ADGRF1: variants seen among roughly 807,000 people sequenced by gnomAD.
The protein encoded by ADGRF1 is G protein-coupled receptor 110.
Under a neutral mutation model 87.2 loss-of-function variants are expected in ADGRF1, and 85 were observed. That is an observed-to-expected ratio of 0.97 (90% CI 0.82 to 1.17). The LOEUF (loss-of-function observed/expected upper bound fraction) is 1.17. Ranked by LOEUF, ADGRF1 falls within the 50% of genes most tolerant of loss-of-function variation. The pLI, the probability that ADGRF1 is intolerant of heterozygous loss-of-function variation, is 0.00. For synonymous variants in ADGRF1, 430 were observed against 408.8 expected (o/e 1.05, Z -0.63); for missense variants, 1,169 against 1,077.2 (o/e 1.09, Z -1.19).
At chr6:47,021,826 A>G in intron 6 of ADGRF1, 132 bp downstream of exon 6, 2 of 595,278 alleles carry the variant, frequency 3.4e-6, no homozygotes, top group Non-Finnish European at 5.9e-6. Flanking sequence ...GGGCAGAGCA[A>G]ATAACTGTTT....
Position 47,012,006 on chromosome 6 carries a change from C to A in ADGRF1, c.1116+1G>T. 1.2e-6 allele frequency: 2 copies of A among 1,612,514 alleles called. No homozygotes were observed. The highest frequency in any genetic ancestry group is 1.7e-6 in the Non-Finnish European group (2 of 1,178,760). On this transcript the variant is annotated splice_donor_variant, in intron 10 of 14. Transcript: ENST00000371253. LOFTEE classifies it high-confidence loss of function. ...GCCCTTCAAGCACAGGCAGACCATA[C>A]CTCCATTGTTGAATTGGACACCCTG...
At chr6:47,039,466 G>A (rs1208221577) in intron 1 of ADGRF1, among the ~76,000 whole-genome samples, 2 of 152,128 alleles carry the variant, frequency 1.3e-5, no homozygotes, top group African/African-American at 2.4e-5. Flanking sequence ...CACTGACCAG[G>A]AGCCTCTATG....
At chr6:47,021,040 G>A (rs1780031136) in intron 6 of ADGRF1, among the ~76,000 whole-genome samples, 1 of 152,160 alleles carries the variant, frequency 6.6e-6, no homozygotes, top group South Asian at 2.1e-4. Context: ...AATAAATTGT[G>A]AATAACCAAC....
intron 10 of ADGRF1, among the ~76,000 whole-genome samples, 193 bp downstream of exon 10, chr6:47,011,814 G>A (rs934366435): frequency 2.0e-5 from 3 of 152,194 alleles, no homozygotes; most frequent in African/African-American, 7.2e-5. Context: ...CATAAGAGCA[G>A]CTCTGTCTTC....
chr6:47,022,023 T>C lies in ADGRF1; in HGVS notation c.487A>G (p.Thr163Ala), dbSNP rs200347172. Reference protein sequence around the residue: ...WGTFKINERFTNDLLNSSSAI... With the variant: ...WGTFKINERFANDLLNSSSAI... ...GAAGATGAATTCAAAAGGTCATTTG[T>C]AAACCTTTCATTAATTTTGAAAGTG... is the stretch of plus-strand genomic sequence containing the variant. Residue 163 changes from threonine to alanine, a missense_variant, in exon 6 of 15, where the codon ACA becomes GCA. Coordinates refer to ENST00000371253, the MANE Select transcript of ADGRF1 (RefSeq NM_153840.4). 2.8e-4 allele frequency: 437 copies of C among 1,585,536 alleles called. No homozygotes were observed. The highest frequency in any genetic ancestry group is 1.1e-4 in the Non-Finnish European group (131 of 1,169,530).
intron 4 of ADGRF1, among the ~76,000 whole-genome samples, chr6:47,024,897 T>C (rs1425312336): frequency 6.6e-6 from 1 of 152,072 alleles, no homozygotes; most frequent in Admixed American, 6.6e-5. Context: ...GCCACTGCAA[T>C]GGAAGAGAGA....
rs1780451499 is a variant in ADGRF1, at chr6:47,032,212, A to G, written c.-43-3108T>C. Among the ~76,000 whole-genome samples, 3 of 152,276 alleles carry G rather than the reference A, an allele frequency of 2.0e-5. No homozygotes were observed. The South Asian group carries it at 6.2e-4, about 32-fold the overall frequency. On this transcript the variant is annotated intron_variant, in intron 1 of 14. Coordinates refer to ENST00000371253, the MANE Select transcript of ADGRF1 (RefSeq NM_153840.4). Reference sequence around the variant, plus strand: ...AAAATAAAAAAATAAAGATTTCTCCACCTAGCCTGGTCGTGTGATAGGAGT... The same window carrying G: ...AAAATAAAAAAATAAAGATTTCTCCGCCTAGCCTGGTCGTGTGATAGGAGT...
In ADGRF1 at chr6:47,026,472, T is replaced by C. The variant is rs147402915; in HGVS notation, c.128-469A>G. On this transcript the variant is annotated intron_variant, in intron 3 of 14. Coordinates refer to ENST00000371253, the MANE Select transcript of ADGRF1 (RefSeq NM_153840.4). The stretch of plus-strand genomic sequence containing the variant: ...TTTCTTCTCCTGTGAAAATATTCCA[T>C]TCGTTAGCTGCGTGTGGGTATTTAT... Among the ~76,000 whole-genome samples, 79 of 151,114 alleles carry C rather than the reference T, an allele frequency of 5.2e-4. 1 individual carries two copies. The highest frequency in any genetic ancestry group is 1.9e-3 in the African/African-American group (78 of 41,266).
intron 1 of ADGRF1, among the ~76,000 whole-genome samples, chr6:47,030,882 C>A (rs1313631718): frequency 6.6e-6 from 1 of 152,006 alleles, no homozygotes; most frequent in Non-Finnish European, 1.5e-5. Context: ...CCTGCCTCAG[C>A]CTCATGAGTA....
rs768177670 is a variant in ADGRF1, at chr6:47,016,687, G to C, written c.693C>G (p.Ala231=). 3.1e-6 allele frequency: 5 copies of C among 1,612,290 alleles called. No homozygotes were observed. Among genetic ancestry groups the C allele is most frequent in the Non-Finnish European group, 3.4e-6 (4 of 1,178,768 alleles). ...TGTGAAGGGCTGTCTTAGCCTTCTCGGCAACATGTTCAATGGCTGACAGCA... is the reference window on the plus strand; with the variant it reads ...TGTGAAGGGCTGTCTTAGCCTTCTCCGCAACATGTTCAATGGCTGACAGCA... ...SELLSAIEHV[A]EKAKTALHKL... The change falls in exon 8 of 15, where the codon GCC becomes GCG. Residue 231 remains alanine (A), a synonymous_variant. Coordinates refer to ENST00000371253, the MANE Select transcript of ADGRF1 (RefSeq NM_153840.4).
intron 13 of ADGRF1, among the ~76,000 whole-genome samples, chr6:47,002,838 G>A (rs989083452): frequency 1.3e-5 from 2 of 152,218 alleles, no homozygotes; most frequent in Admixed American, 6.5e-5. Flanking sequence ...TCCATACAGT[G>A]TGCTGTGGCT....
chr6:47,001,885 G>A (rs939552183), intron 13 of ADGRF1: 2 of 210,840 alleles, frequency 9.5e-6, no homozygotes, highest in Non-Finnish European at 1.9e-5. Context: ...GATCACATTT[G>A]TTACTGGAAG....
chr6:47,010,604 C>T (rs1471024262), intron 10 of ADGRF1, among the ~76,000 whole-genome samples: 2 of 152,194 alleles, frequency 1.3e-5, no homozygotes. Flanking sequence ...CCTGCAATTT[C>T]AGCTGCACAC....
At chr6:47,032,052 G>C (rs1322920881) in intron 1 of ADGRF1, among the ~76,000 whole-genome samples, 1 of 152,066 alleles carries the variant, frequency 6.6e-6, no homozygotes, top group Non-Finnish European at 1.5e-5. Context: ...CTCACATCCA[G>C]GCAGGTTTGA....
Position 47,001,526 on chromosome 6 carries a change from C to T in ADGRF1, c.2634G>A (p.Lys878=), listed in dbSNP as rs1232449918. 6.2e-7 allele frequency: 1 copy of T among 1,613,840 alleles called. No homozygotes were observed. The highest frequency in any genetic ancestry group is 8.5e-7 in the Non-Finnish European group (1 of 1,179,852). The change falls in exon 14 of 15, where the codon AAG becomes AAA. Residue 878 remains lysine, a synonymous_variant. Transcript: ENST00000371253. ...CTTTGTTTTGCAGTGGGTTGAAAGG[C>T]TTTGAGAATTTGGGTTTGGCAGATA... ...SDLSAKPKFS[K]PFNPLQNKGH...
At chr6:47,014,613 T>G in intron 9 of ADGRF1, 68 bp downstream of exon 9, 1 of 1,570,390 alleles carries the variant, frequency 6.4e-7, no homozygotes, top group Non-Finnish European at 8.6e-7. Flanking sequence ...CACCTAGCCA[T>G]GCTCACTGGG....
chr6:47,019,897 A>C (rs45515397), intron 7 of ADGRF1: 1 of 984,978 alleles, frequency 1.0e-6, no homozygotes, highest in South Asian at 4.7e-5. Context: ...AATTTACTAA[A>C]TATTTCTTTA....
In ADGRF1 at chr6:47,009,680, T is replaced by C; in HGVS notation, c.1755A>G (p.Val585=). The C allele has an allele frequency of 6.2e-7, 1 of 1,614,194 alleles. No homozygotes were observed. Among genetic ancestry groups the C allele is most frequent in the Non-Finnish European group, 8.5e-7 (1 of 1,180,024 alleles). The change falls in exon 11 of 15, where the codon GTA becomes GTG. Residue 585 remains valine, a synonymous_variant. Transcript: ENST00000371253. ...CCAGTCCCACATAGGTGATCCATTT[T>C]ACAACGGGGAAGATTGTAGAGGGGA... is the stretch of plus-strand genomic sequence containing the variant. ...PFVPSTIFPV[V]KWITYVGLGI...
intron 13 of ADGRF1, 110 bp from the exon 14 acceptor site, chr6:47,001,677 G>C: frequency 1.3e-6 from 1 of 792,600 alleles, no homozygotes; most frequent in South Asian, 1.7e-5. Context: ...CATTTTCATA[G>C]GTGCTATTCT....
Sources: gnomAD v4.1 joint callset for allele counts (sites outside exome capture counted in the v4.1 genomes callset) on GRCh38, gnomAD v4.1.1 for gene constraint, MANE v1.5 for transcripts, NCBI Gene and HGNC (gene_info 2026-07-23, HGNC 2026-07-21) for gene names.